Variants in EHBP1 observed in about 807,000 individuals in gnomAD.
The protein encoded by EHBP1 is EH domain-binding protein 1.
In EHBP1, 55 loss-of-function variants were observed where a neutral mutation model predicts 144.0. The ratio of observed to expected loss-of-function variants is 0.38; its 90% CI spans 0.31 to 0.48. The LOEUF (loss-of-function observed/expected upper bound fraction) is 0.48, where lower values mean the gene tolerates loss of function less well. Ranked by LOEUF, EHBP1 falls within the 20% of genes least tolerant of loss-of-function variation. EHBP1 has a pLI of 0.98. For missense variants in EHBP1, 1,200 were observed against 1,364.2 expected, an observed-to-expected ratio of 0.88 and a Z score of 1.90; for synonymous variants, 469 against 472.7, an observed-to-expected ratio of 0.99 and a Z score of 0.10.
chr2:62,764,806 A>G (rs2041045269), intron 4 of EHBP1, among the ~76,000 whole-genome samples: 1 of 152,112 alleles, frequency 6.6e-6, no homozygotes, highest in Non-Finnish European at 1.5e-5. Context: ...TATTGATATT[A>G]GTATTTATAA....
chr2:62,680,581 G>A (rs1037634493), intron 1 of EHBP1, among the ~76,000 whole-genome samples: 1 of 152,138 alleles, frequency 6.6e-6, no homozygotes, highest in Non-Finnish European at 1.5e-5. Context: ...TTCAAAATCA[G>A]TTTTGCATAA....
chr2:62,811,367 G>T (rs2044992977), intron 5 of EHBP1, among the ~76,000 whole-genome samples: 1 of 152,214 alleles, frequency 6.6e-6, no homozygotes, highest in Non-Finnish European at 1.5e-5. Flanking sequence ...GATGTTTTCA[G>T]CGTGGCCTGA....
chr2:63,018,281 T>G (rs577434730), intron 19 of EHBP1, among the ~76,000 whole-genome samples: 9 of 152,354 alleles, frequency 5.9e-5, no homozygotes, highest in African/African-American at 2.2e-4. Flanking sequence ...TTCTATAGTT[T>G]TTTTCTGTAG....
At chr2:62,859,614 T>A (rs533390896) in intron 8 of EHBP1, among the ~76,000 whole-genome samples, 1 of 152,318 alleles carries the variant, frequency 6.6e-6, no homozygotes, top group Non-Finnish European at 1.5e-5. Flanking sequence ...ATGGATCATT[T>A]TCCCTGACAC....
At chr2:62,936,156 T>A (rs2056371290) in intron 10 of EHBP1, among the ~76,000 whole-genome samples, 1 of 152,218 alleles carries the variant, frequency 6.6e-6, no homozygotes, top group Non-Finnish European at 1.5e-5. Context: ...TCCAGTTTTC[T>A]ATAATTTGTG....
At chr2:62,975,261 A>C (rs2058660991) in intron 14 of EHBP1, among the ~76,000 whole-genome samples, 1 of 152,212 alleles carries the variant, frequency 6.6e-6, no homozygotes, top group African/African-American at 2.4e-5. Flanking sequence ...TTAGGCAGAA[A>C]GGGTATGGCC....
rs146729890 is a variant in EHBP1, at chr2:62,917,262, C to T, written c.1186-25456C>T. Among the ~76,000 whole-genome samples the T allele has an allele frequency of 9.7e-4, 147 of 152,178 alleles. 1 individual carries two copies. Among genetic ancestry groups the T allele is most frequent in the African/African-American group, 3.4e-3 (141 of 41,516 alleles). On this transcript the variant is annotated intron_variant, in intron 10 of 22. Coordinates refer to ENST00000431489, the MANE Select transcript of EHBP1 (RefSeq NM_001142616.3). ...GAGCTGTGATCATACCACTGCATTC[C>T]AGCCTGAGCAGCAGAGTGAGACCCT...
intron 5 of EHBP1, among the ~76,000 whole-genome samples, chr2:62,806,359 T>G (rs886498642): frequency 7.9e-5 from 12 of 152,066 alleles, no homozygotes; most frequent in Non-Finnish European, 8.8e-5. Context: ...TTTGTGGTTT[T>G]TCGTTTGGTT....
At chr2:62,790,632 A>G (rs2043110057) in intron 5 of EHBP1, among the ~76,000 whole-genome samples, 1 of 152,150 alleles carries the variant, frequency 6.6e-6, no homozygotes, top group Non-Finnish European at 1.5e-5. Flanking sequence ...TTTCGTTTCT[A>G]CATGTAAGTT....
intron 5 of EHBP1, among the ~76,000 whole-genome samples, chr2:62,795,486 G>A (rs987826668): frequency 6.6e-6 from 1 of 151,994 alleles, no homozygotes; most frequent in African/African-American, 2.4e-5. Context: ...TATTCCCTCA[G>A]TCCAACTCCT....
chr2:62,761,264 G>A lies in EHBP1; in HGVS notation c.163-3002G>A, dbSNP rs143575544. On this transcript the variant is annotated intron_variant, in intron 3 of 22. Transcript: ENST00000431489. ...GGACTAGAGAAATCTCTGGAGAGAT[G>A]TTTTTTAATCAAGAAAACTCTGTTC... is the stretch of plus-strand genomic sequence containing the variant. Among the ~76,000 whole-genome samples the A allele has an allele frequency of 8.7e-4, 132 of 152,222 alleles. 2 individuals carry two copies. Among genetic ancestry groups the A allele is most frequent in the African/African-American group, 2.9e-3 (121 of 41,540 alleles).
chr2:63,020,887 A>G (rs1176428269), intron 19 of EHBP1, among the ~76,000 whole-genome samples: 2 of 151,390 alleles, frequency 1.3e-5, no homozygotes, highest in Admixed American at 6.6e-5. Flanking sequence ...CATGTTGGCC[A>G]GGATGGTCTT....
rs1267212961 is a variant in EHBP1, at chr2:62,949,116, A to G, written c.2270A>G (p.Asp757Gly). 5.1e-6 allele frequency: 8 copies of G among 1,583,554 alleles called. No individual in the cohort carries two copies. In the East Asian group the frequency reaches 1.3e-4, roughly 27 times the overall value. ...CAGACGGAGTCTGATCCAGATGCTG[A>G]TAGAACCACTTTAAATCATGCAGAT... ...LRQTESDPDA[D>G]RTTLNHADHS... Residue 757 changes from aspartate (D) to glycine (G), a missense_variant, in exon 13 of 23, where the codon GAT becomes GGT. Transcript: ENST00000431489.
intron 7 of EHBP1, among the ~76,000 whole-genome samples, chr2:62,833,083 GA>G (rs1364709029): frequency 6.6e-6 from 1 of 152,174 alleles, no homozygotes; most frequent in African/African-American, 2.4e-5. Context: ...TGCTGATACA[GA>G]GAAAGCTTTA....
chr2:62,687,283 C>A (rs943078155), intron 1 of EHBP1, among the ~76,000 whole-genome samples: 2 of 152,150 alleles, frequency 1.3e-5, no homozygotes, highest in Non-Finnish European at 2.9e-5. Flanking sequence ...TCTTCAAACC[C>A]AAAGGCATTT....
chr2:63,045,196 G>C lies in EHBP1; in HGVS notation c.3392+16G>C. On this transcript the variant is annotated intron_variant, in intron 22 of 22. Coordinates refer to ENST00000431489, the MANE Select transcript of EHBP1 (RefSeq NM_001142616.3). This position sits in a 1 kb window ranked among gnomAD's most constrained non-coding sequence, Gnocchi z 5.7. ...AGGAGAAGCAGTGAGTGGGCAGTGGGGTCGGGTCGAGGCTGGGCCACCTGC... is the reference window on the plus strand; with the variant it reads ...AGGAGAAGCAGTGAGTGGGCAGTGGCGTCGGGTCGAGGCTGGGCCACCTGC... 6.4e-7 allele frequency: 1 copy of C among 1,565,874 alleles called. No individual in the cohort carries two copies. The highest frequency in any genetic ancestry group is 8.7e-7 in the Non-Finnish European group (1 of 1,152,970).
At chr2:62,715,808 A>G (rs1022012498) in intron 2 of EHBP1, among the ~76,000 whole-genome samples, 5 of 152,284 alleles carry the variant, frequency 3.3e-5, no homozygotes, top group Admixed American at 2.6e-4. Context: ...CAGCCATACT[A>G]CTTCTGAGCT....
intron 5 of EHBP1, among the ~76,000 whole-genome samples, chr2:62,789,222 G>A (rs1184141637): frequency 6.6e-6 from 1 of 152,132 alleles, no homozygotes. Flanking sequence ...TGTTTTTGGA[G>A]GCAAAGGGTT....
intron 1 of EHBP1, among the ~76,000 whole-genome samples, chr2:62,693,506 A>G (rs561224690): frequency 6.6e-5 from 10 of 152,282 alleles, no homozygotes; most frequent in African/African-American, 2.4e-4. Flanking sequence ...GATACGTAAT[A>G]ATTGTATTTA....
Sources: gnomAD v4.1 joint callset for allele counts (sites outside exome capture counted in the v4.1 genomes callset) on GRCh38, gnomAD v4.1.1 for gene constraint, Gnocchi (gnomAD v3.1) non-coding constraint, MANE v1.5 for transcripts, NCBI Gene and HGNC (gene_info 2026-07-23, HGNC 2026-07-21) for gene names.